Variants in RNGTT observed in about 807,000 individuals in gnomAD.
RNGTT encodes the protein mRNA-capping enzyme.
Under a neutral mutation model 79.3 loss-of-function variants are expected in RNGTT, and 33 were observed. That is an observed-to-expected ratio of 0.42 (90% CI 0.32 to 0.56). RNGTT has a LOEUF of 0.56. Among genes scored for constraint, RNGTT ranks in the 20% least tolerant of loss-of-function variants. RNGTT has a pLI of 0.17. For missense variants in RNGTT, 497 were observed against 739.1 expected, an observed-to-expected ratio of 0.67 and a Z score of 3.80; for synonymous variants, 222 against 235.9, an observed-to-expected ratio of 0.94 and a Z score of 0.54.
chr6:88,876,667 G>A (rs75635625), intron 8 of RNGTT, among the ~76,000 whole-genome samples: 3,098 of 152,280 alleles, frequency 0.02, 108 homozygotes, highest in African/African-American at 0.069. Context: ...TCTTTATCCT[G>A]TATTCCTTGT....
chr6:88,683,902 C>A (rs994694123), intron 13 of RNGTT, among the ~76,000 whole-genome samples: 1 of 152,040 alleles, frequency 6.6e-6, no homozygotes, highest in African/African-American at 2.4e-5. Context: ...GTAGTCCCAG[C>A]TACTCAGGAA....
intron 8 of RNGTT, among the ~76,000 whole-genome samples, chr6:88,880,757 TTAAAA>T (rs1178038491): frequency 2.0e-5 from 3 of 152,166 alleles, no homozygotes; most frequent in Non-Finnish European, 2.9e-5. Flanking sequence ...GCAGAAAGAA[TTAAAA>T]TAAAAGGCAT....
At chr6:88,867,782 T>C (rs1319601887) in intron 8 of RNGTT, among the ~76,000 whole-genome samples, 2 of 152,184 alleles carry the variant, frequency 1.3e-5, no homozygotes, top group South Asian at 2.1e-4. Context: ...TATGCAACCT[T>C]TGAAATTCAC....
intron 11 of RNGTT, among the ~76,000 whole-genome samples, chr6:88,843,619 C>T (rs541504631): frequency 6.4e-4 from 81 of 125,694 alleles, no homozygotes; most frequent in African/African-American, 1.4e-3. Flanking sequence ...AGTGCAATGG[C>T]GCAATCTCGG....
In RNGTT at chr6:88,746,897, C is replaced by T. The variant is rs150611214; in HGVS notation, c.1439+22877G>A. On this transcript the variant is annotated intron_variant, in intron 13 of 15. Transcript: ENST00000369485. ...GGCACAACACGCTACTATGACACAA[C>T]ACATCAAAGTGAAGACTTAAAGAAA... Among the ~76,000 whole-genome samples the T allele has an allele frequency of 3.3e-5, 5 of 152,306 alleles. No homozygotes were observed. The East Asian group carries it at 9.6e-4, about 29-fold the overall frequency.
intron 14 of RNGTT, among the ~76,000 whole-genome samples, chr6:88,618,206 A>G (rs1319917347): frequency 6.6e-6 from 1 of 152,220 alleles, no homozygotes; most frequent in African/African-American, 2.4e-5. Context: ...TGCCACTACT[A>G]ACCTAAACGT....
intron 8 of RNGTT, among the ~76,000 whole-genome samples, chr6:88,889,933 C>G (rs976263981): frequency 6.6e-6 from 1 of 152,090 alleles, no homozygotes; most frequent in African/African-American, 2.4e-5. Context: ...GAGCCTTGAT[C>G]GTGCTAAGGC....
intron 14 of RNGTT, among the ~76,000 whole-genome samples, chr6:88,650,643 G>A (rs1372481542): frequency 1.3e-5 from 2 of 151,962 alleles, no homozygotes; most frequent in Non-Finnish European, 2.9e-5. Context: ...TTATCTTTCT[G>A]AGCTAATCAG....
intron 12 of RNGTT, among the ~76,000 whole-genome samples, chr6:88,788,965 G>A (rs1459217637): frequency 6.6e-6 from 1 of 152,180 alleles, no homozygotes; most frequent in African/African-American, 2.4e-5. Context: ...AATTATGAAT[G>A]TGTTACATGG....
intron 13 of RNGTT, among the ~76,000 whole-genome samples, chr6:88,764,456 G>T (rs1421904758): frequency 6.6e-6 from 1 of 152,068 alleles, no homozygotes; most frequent in East Asian, 1.9e-4. Context: ...GAGATTTTTA[G>T]AATACTATTA....
chr6:88,809,053 T>A (rs1780051946), intron 11 of RNGTT, among the ~76,000 whole-genome samples: 1 of 151,928 alleles, frequency 6.6e-6, no homozygotes, highest in South Asian at 2.1e-4. Context: ...TGGAAAAAGA[T>A]GTCAAATTCA....
At chr6:88,630,418 T>A (rs1647837212) in intron 14 of RNGTT, among the ~76,000 whole-genome samples, 1 of 152,148 alleles carries the variant, frequency 6.6e-6, no homozygotes, top group South Asian at 2.1e-4. Context: ...AATCCTACCA[T>A]CTAATTGGTG....
intron 6 of RNGTT, among the ~76,000 whole-genome samples, chr6:88,904,430 A>C (rs1783578139): frequency 1.3e-5 from 2 of 152,106 alleles, no homozygotes; most frequent in Non-Finnish European, 2.9e-5. Flanking sequence ...AAAATTAAAA[A>C]TTAGCCAGTC....
intron 12 of RNGTT, among the ~76,000 whole-genome samples, chr6:88,782,853 A>G (rs1021303136): frequency 1.3e-5 from 2 of 152,294 alleles, no homozygotes; most frequent in Middle Eastern, 3.4e-3. Context: ...ACAGCACTTC[A>G]CATTTACGAG....
intron 14 of RNGTT, among the ~76,000 whole-genome samples, chr6:88,629,707 G>T (rs1438575344): frequency 6.6e-6 from 1 of 152,146 alleles, no homozygotes; most frequent in Non-Finnish European, 1.5e-5. Flanking sequence ...TCTAAATTAG[G>T]TAGCTGTGGT....
chr6:88,650,168 T>C (rs1414097810), intron 14 of RNGTT, among the ~76,000 whole-genome samples: 8 of 152,178 alleles, frequency 5.3e-5, no homozygotes, highest in Admixed American at 4.6e-4. Flanking sequence ...TCCTCACTAA[T>C]ATAATTTCTA....
chr6:88,917,924 A>C (rs1784049537), intron 4 of RNGTT, among the ~76,000 whole-genome samples: 1 of 152,148 alleles, frequency 6.6e-6, no homozygotes, highest in Non-Finnish European at 1.5e-5. Context: ...TGGGCTTCAA[A>C]GAACAAAAAC....
At chr6:88,736,587 A>C (rs1424444621) in intron 13 of RNGTT, among the ~76,000 whole-genome samples, 1 of 152,212 alleles carries the variant, frequency 6.6e-6, no homozygotes, top group African/African-American at 2.4e-5. Flanking sequence ...ATGCAAGAGA[A>C]AGAGAAATAA....
Position 88,898,497 on chromosome 6 carries a change from C to T in RNGTT, c.684+6218G>A, listed in dbSNP as rs1198452532. ...TCTAATTTGTTCCTCTTCTTAATAGCCTGCTATTATTTTATGGATTGATAG... is the reference window on the plus strand; with the variant it reads ...TCTAATTTGTTCCTCTTCTTAATAGTCTGCTATTATTTTATGGATTGATAG... On this transcript the variant is annotated intron_variant, in intron 6 of 15. Transcript: ENST00000369485. Among the ~76,000 whole-genome samples, 3 of 151,686 alleles carry T rather than the reference C, an allele frequency of 2.0e-5. No homozygotes were observed. In the East Asian group the frequency reaches 5.8e-4, roughly 29 times the overall value.
Sources: allele counts gnomAD v4.1 joint callset (sites outside exome capture counted in the v4.1 genomes callset), GRCh38; gene constraint gnomAD v4.1.1; transcripts MANE v1.5; gene names NCBI Gene and HGNC (gene_info 2026-07-23, HGNC 2026-07-21).